TAOK3: variants seen among roughly 807,000 people sequenced by gnomAD.
The protein encoded by TAOK3 is serine/threonine-protein kinase TAO3.
TAOK3 carries 40 observed loss-of-function variants against 120.4 expected under a neutral mutation model. The observed-to-expected ratio is 0.33, with a 90% CI of 0.26 to 0.43. The LOEUF (loss-of-function observed/expected upper bound fraction) is 0.43. TAOK3 is among the 20% of genes least tolerant of loss of function. The pLI is 1.00. For missense variants in TAOK3, 821 were observed against 1,112.1 expected (o/e 0.74, Z 3.72); for synonymous variants, 355 against 387.5 (o/e 0.92, Z 0.99).
At chr12:118,159,315 T>G (rs548497981) in intron 19 of TAOK3, among the ~76,000 whole-genome samples, 3 of 143,534 alleles carry the variant, frequency 2.1e-5, no homozygotes, top group Non-Finnish European at 4.5e-5. Flanking sequence ...TCACTCACTT[T>G]TTTTTTTTTT....
intron 2 of TAOK3, among the ~76,000 whole-genome samples, chr12:118,256,249 T>A (rs754206126): frequency 9.9e-5 from 15 of 152,186 alleles, no homozygotes; most frequent in Non-Finnish European, 2.9e-5. Flanking sequence ...AGGATAGTGA[T>A]AGTCAAAAAG....
intron 1 of TAOK3, among the ~76,000 whole-genome samples, chr12:118,316,035 C>T (rs2043444354): frequency 6.6e-6 from 1 of 152,094 alleles, no homozygotes; most frequent in South Asian, 2.1e-4. Context: ...ATGCCAAGAT[C>T]CCAAGGGGAA....
intron 6 of TAOK3, among the ~76,000 whole-genome samples, chr12:118,238,389 G>T (rs967158342): frequency 1.3e-5 from 2 of 152,052 alleles, no homozygotes; most frequent in Non-Finnish European, 2.9e-5. Flanking sequence ...AACAAAGAAA[G>T]CCTGATATTC....
intron 1 of TAOK3, among the ~76,000 whole-genome samples, chr12:118,370,461 T>C (rs2045864567): frequency 6.6e-6 from 1 of 152,176 alleles, no homozygotes; most frequent in African/African-American, 2.4e-5. Flanking sequence ...AAACACATTC[T>C]AAACCTGAAA....
chr12:118,366,001 A>C (rs2045731335), intron 1 of TAOK3, among the ~76,000 whole-genome samples: 2 of 152,224 alleles, frequency 1.3e-5, no homozygotes, highest in Admixed American at 1.3e-4. Context: ...GCAGTGGCTC[A>C]CACCTGTAAT....
At chr12:118,245,700 T>A (rs1331689981) in intron 3 of TAOK3, among the ~76,000 whole-genome samples, 1 of 152,178 alleles carries the variant, frequency 6.6e-6, no homozygotes, top group Non-Finnish European at 1.5e-5. Context: ...TAAATAGACA[T>A]CTCCACTCCC....
chr12:118,329,930 T>C (rs879770348), intron 1 of TAOK3, among the ~76,000 whole-genome samples: 11 of 152,196 alleles, frequency 7.2e-5, no homozygotes, highest in Non-Finnish European at 8.8e-5. Context: ...CTTTTAAGTT[T>C]CAAAAATAAT....
intron 2 of TAOK3, among the ~76,000 whole-genome samples, chr12:118,257,807 C>A (rs570070526): frequency 1.3e-5 from 2 of 152,266 alleles, no homozygotes; most frequent in African/African-American, 4.8e-5. Context: ...ACCTAAGGAT[C>A]CATCCACTTA....
intron 1 of TAOK3, among the ~76,000 whole-genome samples, chr12:118,289,535 T>C (rs1434064819): frequency 6.6e-6 from 1 of 152,154 alleles, no homozygotes; most frequent in Non-Finnish European, 1.5e-5. Flanking sequence ...ACCTAAAATA[T>C]GTTTCCAAAG....
chr12:118,340,582 G>C (rs1336331365), intron 1 of TAOK3, among the ~76,000 whole-genome samples: 1 of 151,768 alleles, frequency 6.6e-6, no homozygotes. Flanking sequence ...ATTATTTTTT[G>C]GACTTTCTAA....
In TAOK3 at chr12:118,189,535, G is replaced by GACACAC. The variant is rs869285530; in HGVS notation, c.1329+266_1329+271dup. On this transcript the variant is annotated intron_variant, in intron 14 of 20. Coordinates refer to ENST00000392533, the MANE Select transcript of TAOK3 (RefSeq NM_016281.4). ...GCATATACAAACACACACAGACACA[G>GACACAC]ACACACACACACACACACACACACA... is the stretch of plus-strand genomic sequence containing the variant. Among the ~76,000 whole-genome samples, 308 of 132,286 alleles carry GACACAC rather than the reference G, an allele frequency of 2.3e-3. 4 individuals carry two copies. The highest frequency in any genetic ancestry group is 5.4e-3 in the Admixed American group (70 of 12,956). 86.8% of individuals were successfully genotyped at this position (132,286 alleles called of 152,430 possible).
chr12:118,189,363 C>A (rs970046453), intron 14 of TAOK3, among the ~76,000 whole-genome samples: 1 of 152,046 alleles, frequency 6.6e-6, no homozygotes, highest in Non-Finnish European at 1.5e-5. Flanking sequence ...TGCATCTATA[C>A]AAAAAGCAGC....
In TAOK3 at chr12:118,152,294, T is replaced by C; in HGVS notation, c.2468A>G (p.Gln823Arg). Residue 823 changes from glutamine to arginine, a missense_variant, in exon 20 of 21, where the codon CAA becomes CGA. Physicochemically the swap from Gln to Arg is conservative, Grantham distance 43. Around this residue, in one of 2 missense-constraint regions of TAOK3, gnomAD observed 354 missense variants for 572.1 expected, o/e 0.62. Coordinates refer to ENST00000392533, the MANE Select transcript of TAOK3 (RefSeq NM_016281.4). ...TAGCTTCTGGAGCTCACGTTCATGT[T>C]GTGCCTCTGTTTGCATCTTGATTTT... ...QSKIKMQTEAQHERELQKLEQ... is the reference protein window; with the variant it reads ...QSKIKMQTEARHERELQKLEQ... The C allele has an allele frequency of 3.1e-6, 5 of 1,614,216 alleles. No homozygotes were observed. Among genetic ancestry groups the C allele is most frequent in the Non-Finnish European group, 4.2e-6 (5 of 1,180,040 alleles).
At chr12:118,288,934 AAG>A (rs1294793936) in intron 1 of TAOK3, among the ~76,000 whole-genome samples, 1 of 148,070 alleles carries the variant, frequency 6.8e-6, no homozygotes, top group East Asian at 1.9e-4. Context: ...AAAAAAAAAA[AAG>A]AAAGAAAGAA....
intron 1 of TAOK3, among the ~76,000 whole-genome samples, chr12:118,323,329 A>G (rs2043801284): frequency 1.3e-5 from 2 of 152,174 alleles, no homozygotes. Context: ...AAATCAGGGT[A>G]AGGATAAATT....
chr12:118,185,642 T>C (rs1051255382), intron 14 of TAOK3, among the ~76,000 whole-genome samples: 1 of 152,240 alleles, frequency 6.6e-6, no homozygotes, highest in African/African-American at 2.4e-5. Flanking sequence ...TTTTAAATTT[T>C]TGCTAAAAGT....
intron 1 of TAOK3, among the ~76,000 whole-genome samples, chr12:118,307,979 T>TA (rs2043112246): frequency 6.6e-6 from 1 of 151,858 alleles, no homozygotes; most frequent in East Asian, 1.9e-4. Context: ...TTTTTTTTTT[T>TA]ACATTTAAAA....
chr12:118,170,762 C>T (rs2035951750), intron 17 of TAOK3, among the ~76,000 whole-genome samples: 1 of 152,070 alleles, frequency 6.6e-6, no homozygotes, highest in African/African-American at 2.4e-5. Context: ...GACTCTGTCT[C>T]CACAAAAAAA....
chr12:118,203,704 CAAA>C (rs35135077), intron 11 of TAOK3, among the ~76,000 whole-genome samples: 4 of 127,112 alleles, frequency 3.1e-5, no homozygotes, highest in Non-Finnish European at 4.9e-5. Context: ...AACTCCATCT[CAAA>C]AAAAAAAAAA....
Sources: gnomAD v4.1 joint callset for allele counts (sites outside exome capture counted in the v4.1 genomes callset) on GRCh38, gnomAD v4.1.1 for gene constraint, gnomAD v4.1.1 regional missense constraint, MANE v1.5 for transcripts, NCBI Gene and HGNC (gene_info 2026-07-23, HGNC 2026-07-21) for gene names.